The following MUC22 variants were observed in gnomAD, a reference collection of about 807,000 sequenced individuals.
MUC22 encodes the protein mucin-22.
In MUC22, 24 loss-of-function variants were observed where a neutral mutation model predicts 40.3. That is an observed-to-expected ratio of 0.60 (90% CI 0.43 to 0.84). The LOEUF (loss-of-function observed/expected upper bound fraction) is 0.84, where lower values mean the gene tolerates loss of function less well. Among genes scored for constraint, MUC22 ranks in the 40% least tolerant of loss-of-function variants. The pLI is 0.00. For missense variants in MUC22, 1,926 were observed against 2,130.7 expected (o/e 0.90, Z 1.89); for synonymous variants, 765 against 844.5 (o/e 0.91, Z 1.63).
At chr6:31,012,544 C>T (rs566769201) in intron 1 of MUC22, among the ~76,000 whole-genome samples, 8 of 149,042 alleles carry the variant, frequency 5.4e-5, no homozygotes, top group Non-Finnish European at 8.9e-5. Flanking sequence ...GGCACTGCTG[C>T]GTGCTAGGCC....
exon 2 of MUC22, chr6:31,026,032 G>T (rs1332052562): frequency 6.5e-7 from 1 of 1,527,752 alleles, no homozygotes; most frequent in Non-Finnish European, 8.8e-7. Flanking sequence ...CACCTCCACT[G>T]CAAGCTCTGA....
exon 2 of MUC22, chr6:31,029,424 A>G (rs1315962255): frequency 7.8e-6 from 12 of 1,535,014 alleles, no homozygotes; most frequent in Non-Finnish European, 9.6e-6. Flanking sequence ...CCTCTACCGC[A>G]GATTTGGAGA....
chr6:31,006,906 G>T (rs2530711), upstream of MUC22, among the ~76,000 whole-genome samples: 22,412 of 151,852 alleles, frequency 0.15, 1,713 homozygotes, highest in Admixed American at 0.2. Flanking sequence ...CCCAGCACTT[G>T]GGGAGGCTGA....
At chr6:31,031,193 C>T (rs967523319) in intron 2 of MUC22, among the ~76,000 whole-genome samples, 3 of 152,222 alleles carry the variant, frequency 2.0e-5, no homozygotes, top group Admixed American at 2.0e-4. Context: ...AAGCCGCCAC[C>T]ACCGCCTCTG....
At chr6:31,033,816 G>A (rs1303826777) in intron 3 of MUC22, among the ~76,000 whole-genome samples, 2 of 152,326 alleles carry the variant, frequency 1.3e-5, no homozygotes, top group Non-Finnish European at 2.9e-5. Context: ...CATACCACTG[G>A]TAAAAATGGA....
intron 1 of MUC22, among the ~76,000 whole-genome samples, chr6:31,019,048 T>G (rs1185552855): frequency 6.6e-6 from 1 of 152,194 alleles, no homozygotes; most frequent in Non-Finnish European, 1.5e-5. Flanking sequence ...TTTGATCTGA[T>G]TTCTCCTCTA....
intron 1 of MUC22, among the ~76,000 whole-genome samples, chr6:31,012,813 G>C (rs1292638593): frequency 6.6e-6 from 1 of 151,832 alleles, no homozygotes; most frequent in Non-Finnish European, 1.5e-5. Context: ...CCGTCTCAGG[G>C]GCTTTGCTCA....
chr6:31,027,671 C>G, exon 2 of MUC22: 1 of 1,531,424 alleles, frequency 6.5e-7, no homozygotes, highest in Non-Finnish European at 8.7e-7. Flanking sequence ...GAGACCACCA[C>G]AGTCTTTACC....
At chr6:31,008,467 G>A (rs1464006118), upstream of MUC22, among the ~76,000 whole-genome samples, 1 of 152,110 alleles carries the variant, frequency 6.6e-6, no homozygotes, top group Non-Finnish European at 1.5e-5. Flanking sequence ...GAAATGGGGG[G>A]AAAACAGTCC....
At chr6:31,024,533 T>C (rs1357765611) in intron 1 of MUC22, among the ~76,000 whole-genome samples, 3 of 152,198 alleles carry the variant, frequency 2.0e-5, no homozygotes, top group Non-Finnish European at 4.4e-5. Flanking sequence ...AGATGAAATT[T>C]AACCTTTCTA....
Position 31,026,699 on chromosome 6 carries a change from G to A in MUC22, c.1268G>A (p.Gly423Asp). 2 of 1,503,712 alleles carry A rather than the reference G, an allele frequency of 1.3e-6. 1 individual carries two copies. The highest frequency in any genetic ancestry group is 1.8e-6 in the Non-Finnish European group (2 of 1,127,210). 93.1% of individuals were successfully genotyped at this position (1,503,712 alleles called of 1,614,324 possible). A position where few individuals can be genotyped will look rare whatever the true frequency, so the allele number is the denominator to read the frequency against. Residue 423 changes from glycine (G) to aspartate (D), a missense_variant, in exon 2 of 4, where the codon GGC becomes GAC. By Grantham distance (94) the Gly-to-Asp change is moderately conservative. Coordinates refer to ENST00000561890, the Ensembl canonical transcript of MUC22. The stretch of plus-strand genomic sequence containing the variant: ...GAGACCACTGCAGCCTCTACCACAG[G>A]CTCTGAGATGACCACAGTCTTCACT...
chr6:31,031,219 C>T (rs1393369054), intron 2 of MUC22, among the ~76,000 whole-genome samples: 1 of 152,200 alleles, frequency 6.6e-6, no homozygotes, highest in African/African-American at 2.4e-5. Context: ...TTGATTCGTG[C>T]TCACACCTGT....
At chr6:31,028,081 G>A (rs1309517542) in exon 2 of MUC22, 9 of 1,534,592 alleles carry the variant, frequency 5.9e-6, no homozygotes, top group Non-Finnish European at 7.8e-6. Flanking sequence ...TACAAGCTCT[G>A]AGACCACCAC....
upstream of MUC22, among the ~76,000 whole-genome samples, chr6:31,006,955 C>T (rs61112106): frequency 2.0e-3 from 307 of 151,788 alleles, 1 homozygote; most frequent in African/African-American, 6.8e-3. Flanking sequence ...TCAACACCAG[C>T]CTGAGCAATA....
chr6:31,025,533 C>T, exon 2 of MUC22: 1 of 1,516,848 alleles, frequency 6.6e-7, no homozygotes, highest in Non-Finnish European at 8.8e-7. Flanking sequence ...TCACAAAAGG[C>T]TCCGACACCA....
chr6:31,011,022 T>TGGTGGGGC lies in MUC22; in HGVS notation c.70+259_70+266dup, dbSNP rs1456166428. Among the ~76,000 whole-genome samples, 1 of 151,410 alleles carries TGGTGGGGC rather than the reference T, an allele frequency of 6.6e-6. No individual in the cohort carries two copies. Among genetic ancestry groups the TGGTGGGGC allele is most frequent in the East Asian group, 1.9e-4 (1 of 5,156 alleles). ...CCCCAGCTGTGGTTGTGAGCACATG[T>TGGTGGGGC]GGTGGGGCGGTGGGGCGGTGCTGGG... On this transcript the variant is annotated intron_variant, in intron 1 of 3. Coordinates refer to ENST00000561890, the Ensembl canonical transcript of MUC22. This position sits in a 1 kb window ranked among gnomAD's most constrained non-coding sequence, Gnocchi z 4.5.
chr6:31,009,607 A>G (rs1401323068), upstream of MUC22, among the ~76,000 whole-genome samples: 1 of 152,220 alleles, frequency 6.6e-6, no homozygotes, highest in Non-Finnish European at 1.5e-5. Context: ...ATGAAATTTC[A>G]TCACCAATAT....
At chr6:31,028,403 G>A (rs1765643337) in exon 2 of MUC22, 4 of 1,512,930 alleles carry the variant, frequency 2.6e-6, no homozygotes, top group Non-Finnish European at 2.6e-6. Context: ...TCTACTGAAG[G>A]CTCCGAGACC....
chr6:31,011,492 A>G lies in MUC22; in HGVS notation c.70+716A>G, dbSNP rs558967544. The stretch of plus-strand genomic sequence containing the variant: ...AACTTCACTTAGAATAATAGTCTAC[A>G]GTCTCATCCAGGTCACTGCAAATGC... On this transcript the variant is annotated intron_variant, in intron 1 of 3. Transcript: ENST00000561890. This position sits in a 1 kb window ranked among gnomAD's most constrained non-coding sequence, Gnocchi z 4.5. 6.6e-6 allele frequency among the ~76,000 whole-genome samples: 1 copy of G among 152,228 alleles called. No homozygotes were observed. The highest frequency in any genetic ancestry group is 1.5e-5 in the Non-Finnish European group (1 of 68,040).
Sources: allele counts gnomAD v4.1 joint callset (sites outside exome capture counted in the v4.1 genomes callset), GRCh38; gene constraint gnomAD v4.1.1; non-coding constraint Gnocchi (gnomAD v3.1); transcripts MANE v1.5; gene names NCBI Gene and HGNC (gene_info 2026-07-23, HGNC 2026-07-21).